The following OPCML variants were observed in gnomAD, a reference collection of about 807,000 sequenced individuals.
OPCML encodes opioid binding protein/cell adhesion molecule like, also known as opioid-binding protein/cell adhesion molecule.
OPCML carries 13 observed loss-of-function variants against 37.8 expected under a neutral mutation model. The observed-to-expected ratio is 0.34, with a 90% CI of 0.22 to 0.55. The LOEUF (loss-of-function observed/expected upper bound fraction) is 0.55, where lower values mean the gene tolerates loss of function less well. OPCML is among the 20% of genes least tolerant of loss of function. OPCML has a pLI of 0.91. For missense variants in OPCML, 341 were observed against 435.6 expected (o/e 0.78, Z 1.93); for synonymous variants, 176 against 168.8 (o/e 1.04, Z -0.33).
At chr11:132,486,990 A>C (rs985366886) in intron 4 of OPCML, among the ~76,000 whole-genome samples, 3 of 152,346 alleles carry the variant, frequency 2.0e-5, no homozygotes, top group African/African-American at 7.2e-5. Context: ...ATTAATTATT[A>C]GTGGGTAGTT....
chr11:132,473,007 G>A (rs898663562), intron 4 of OPCML, among the ~76,000 whole-genome samples: 3 of 152,132 alleles, frequency 2.0e-5, no homozygotes, highest in East Asian at 1.9e-4. Flanking sequence ...GCAAACTAGC[G>A]AGCCAGCTCC....
chr11:132,850,448 A>C (rs971798755), intron 2 of OPCML, among the ~76,000 whole-genome samples: 4 of 152,144 alleles, frequency 2.6e-5, no homozygotes, highest in African/African-American at 9.7e-5. Flanking sequence ...AACAAGAATC[A>C]ATTAGGGCCA....
intron 2 of OPCML, among the ~76,000 whole-genome samples, chr11:132,796,027 G>C (rs1282935692): frequency 1.3e-5 from 2 of 152,154 alleles, no homozygotes; most frequent in Non-Finnish European, 2.9e-5. Flanking sequence ...CAGTTTATAA[G>C]CTATTTCCAT....
chr11:133,009,790 A>G (rs1429591342), intron 1 of OPCML, among the ~76,000 whole-genome samples: 11 of 152,148 alleles, frequency 7.2e-5, no homozygotes, highest in Admixed American at 7.2e-4. Context: ...GATGGGGCGC[A>G]GGCGGTAATG....
intron 2 of OPCML, among the ~76,000 whole-genome samples, chr11:132,919,289 T>C (rs1944708897): frequency 6.6e-6 from 1 of 152,128 alleles, no homozygotes; most frequent in African/African-American, 2.4e-5. Context: ...AGAGGGGTCC[T>C]TGGACAAGCA....
chr11:132,824,319 C>A (rs1940169522), intron 2 of OPCML, among the ~76,000 whole-genome samples: 1 of 152,124 alleles, frequency 6.6e-6, no homozygotes, highest in Non-Finnish European at 1.5e-5. Context: ...TCTTCACATC[C>A]AATTCATTAG....
At chr11:132,913,702 C>A (rs1282734659) in intron 2 of OPCML, among the ~76,000 whole-genome samples, 13 of 152,318 alleles carry the variant, frequency 8.5e-5, no homozygotes, top group Non-Finnish European at 5.9e-5. Context: ...CTAGGGCAGC[C>A]CCCTTTCTGA....
rs1211747515 is a variant in OPCML at position 133,441,713 on chromosome 11, A to G, written c.61+90551T>C. Among the ~76,000 whole-genome samples, 13 of 152,294 alleles carry G rather than the reference A, an allele frequency of 8.5e-5. No individual in the cohort carries two copies. The East Asian group carries it at 2.5e-3, about 29-fold the overall frequency. ...GAAAGTGGACAGATTTGATGAAAGA[A>G]GAATTATAAACTTCCTTAACTTAAA... On this transcript the variant is annotated intron_variant, in intron 1 of 7. Coordinates refer to ENST00000524381, the MANE Select transcript of OPCML (RefSeq NM_001012393.5).
chr11:132,849,601 TC>T (rs2136324443), intron 2 of OPCML, among the ~76,000 whole-genome samples: 1 of 152,290 alleles, frequency 6.6e-6, no homozygotes, highest in African/African-American at 2.4e-5. Flanking sequence ...CTGAGGACAC[TC>T]CCATATAAGA....
chr11:132,873,445 T>C (rs1298078298), intron 2 of OPCML, among the ~76,000 whole-genome samples: 1 of 152,124 alleles, frequency 6.6e-6, no homozygotes, highest in Non-Finnish European at 1.5e-5. Context: ...ACTGCGCCCT[T>C]TCCCTGAGAG....
Position 133,421,399 on chromosome 11 carries a change from A to T in OPCML, c.61+110865T>A, listed in dbSNP as rs542518668. On this transcript the variant is annotated intron_variant, in intron 1 of 7. Coordinates refer to ENST00000524381, the MANE Select transcript of OPCML (RefSeq NM_001012393.5). Reference sequence around the variant, plus strand: ...GTCACTCGGAGACCAGAAGAAGAGAAATCAGGCATTTCGTTGTGTATGTTT... The same window carrying T: ...GTCACTCGGAGACCAGAAGAAGAGATATCAGGCATTTCGTTGTGTATGTTT... 13 of 985,406 alleles carry T rather than the reference A, an allele frequency of 1.3e-5. No homozygotes were observed. In the South Asian group the frequency reaches 4.2e-4, roughly 32 times the overall value. The allele number at this position is 985,406 out of a possible 1,614,324, so 61.0% of individuals were successfully genotyped here.
chr11:133,115,377 G>A (rs147445261), intron 1 of OPCML, among the ~76,000 whole-genome samples: 8 of 152,322 alleles, frequency 5.3e-5, no homozygotes, highest in Non-Finnish European at 1.0e-4. Context: ...CAGTAATGGA[G>A]GTGAGGCAGA....
At position 132,436,861 on chromosome 11, in the gene OPCML, C is replaced by A. The variant is rs1008516100; in HGVS notation, c.644-82G>T. The stretch of plus-strand genomic sequence containing the variant: ...GATTTCGTGAAAGAGATGAAGGGCA[C>A]ATCCAGCCATTTGCTATGTAAATGG... On this transcript the variant is annotated intron_variant, in intron 5 of 7. Coordinates refer to ENST00000524381, the MANE Select transcript of OPCML (RefSeq NM_001012393.5). 10 of 1,543,422 alleles carry A rather than the reference C, an allele frequency of 6.5e-6. No homozygotes were observed. The African/African-American group carries it at 1.4e-4, about 21-fold the overall frequency.
chr11:133,148,271 ACTCT>A (rs1465821803), intron 1 of OPCML, among the ~76,000 whole-genome samples: 1 of 151,960 alleles, frequency 6.6e-6, no homozygotes, highest in African/African-American at 2.4e-5. Context: ...CCACTGCCTT[ACTCT>A]AACACTGACC....
chr11:133,072,089 C>T (rs1229815998), intron 1 of OPCML, among the ~76,000 whole-genome samples: 2 of 151,992 alleles, frequency 1.3e-5, no homozygotes, highest in Admixed American at 1.3e-4. Context: ...TGAAGTTATG[C>T]GATGGGAAGT....
At chr11:132,868,296 AT>A (rs67534174) in intron 2 of OPCML, among the ~76,000 whole-genome samples, 26,253 of 77,244 alleles carry the variant, frequency 0.34, 3,473 homozygotes, top group Middle Eastern at 0.37. Flanking sequence ...TGAGGCTGTG[AT>A]TTTTTTTTTT....
intron 2 of OPCML, among the ~76,000 whole-genome samples, chr11:132,680,867 G>A (rs552128868): frequency 9.8e-5 from 15 of 152,302 alleles, no homozygotes; most frequent in African/African-American, 3.6e-4. Flanking sequence ...AGCAGAAGAC[G>A]CCTGTTGCCC....
rs191533900 is a variant in OPCML, at chr11:133,234,353, T to C, written c.62-291343A>G. Among the ~76,000 whole-genome samples, 501 of 152,350 alleles carry C rather than the reference T, an allele frequency of 3.3e-3. 5 individuals are homozygous for C. The highest frequency in any genetic ancestry group is 0.014 in the Middle Eastern group (4 of 294). On this transcript the variant is annotated intron_variant, in intron 1 of 7. Coordinates refer to ENST00000524381, the MANE Select transcript of OPCML (RefSeq NM_001012393.5). ...CCTAAAACCTTTTTGGAGGATTACTTAGAGGCTTCTTCTCTCTCTAGGCAG... is the reference window on the plus strand; with the variant it reads ...CCTAAAACCTTTTTGGAGGATTACTCAGAGGCTTCTTCTCTCTCTAGGCAG...
intron 2 of OPCML, among the ~76,000 whole-genome samples, chr11:132,856,343 G>C (rs553583916): frequency 6.6e-6 from 1 of 152,272 alleles, no homozygotes; most frequent in East Asian, 1.9e-4. Flanking sequence ...ACAAAAAGTT[G>C]AGAAACAGTC....
Sources: allele counts gnomAD v4.1 joint callset (sites outside exome capture counted in the v4.1 genomes callset), GRCh38; gene constraint gnomAD v4.1.1; transcripts MANE v1.5; gene names NCBI Gene and HGNC (gene_info 2026-07-23, HGNC 2026-07-21).